The following TANGO6 variants were observed in gnomAD, a reference collection of about 807,000 sequenced individuals.
The protein encoded by TANGO6 is transport and golgi organization 6 homolog, also known as transport and Golgi organization protein 6 homolog.
In TANGO6, 90 loss-of-function variants were observed where a neutral mutation model predicts 114.2. That is an observed-to-expected ratio of 0.79 (90% CI 0.66 to 0.94). The LOEUF is 0.94. Among genes scored for constraint, TANGO6 ranks in the 40% least tolerant of loss-of-function variants. TANGO6 has a pLI of 0.00. For synonymous variants in TANGO6, 477 were observed against 509.8 expected, an observed-to-expected ratio of 0.94 and a Z score of 0.87; for missense variants, 1,274 against 1,315.3, an observed-to-expected ratio of 0.97 and a Z score of 0.49.
At chr16:68,975,505 G>T (rs568571317) in intron 15 of TANGO6, among the ~76,000 whole-genome samples, 1 of 151,786 alleles carries the variant, frequency 6.6e-6, no homozygotes, top group Admixed American at 6.6e-5. Context: ...ATAAGCATGA[G>T]CCATTCTGCA....
chr16:68,938,653 T>C (rs1455760975), intron 14 of TANGO6, among the ~76,000 whole-genome samples: 1 of 152,110 alleles, frequency 6.6e-6, no homozygotes, highest in Non-Finnish European at 1.5e-5. Flanking sequence ...GTTAGCTTAA[T>C]TGTCCCTCAG....
At chr16:69,075,061 C>T (rs1445222596) in intron 17 of TANGO6, among the ~76,000 whole-genome samples, 3 of 151,730 alleles carry the variant, frequency 2.0e-5, no homozygotes, top group Admixed American at 1.3e-4. Context: ...AGGCTGGTCT[C>T]GAACTCCTGA....
intron 3 of TANGO6, among the ~76,000 whole-genome samples, chr16:68,866,791 C>G (rs1185371741): frequency 6.6e-6 from 1 of 151,888 alleles, no homozygotes; most frequent in Non-Finnish European, 1.5e-5. Flanking sequence ...ACAAAAAGTA[C>G]CCAGGCATAG....
intron 17 of TANGO6, among the ~76,000 whole-genome samples, chr16:69,049,074 C>T (rs1959905777): frequency 6.6e-6 from 1 of 152,164 alleles, no homozygotes; most frequent in African/African-American, 2.4e-5. Context: ...GTCACTGTTT[C>T]TTAATTTGAG....
intron 15 of TANGO6, among the ~76,000 whole-genome samples, chr16:68,989,943 T>A (rs1963933005): frequency 6.6e-6 from 1 of 152,214 alleles, no homozygotes; most frequent in Non-Finnish European, 1.5e-5. Context: ...CACCTGAATC[T>A]TTATCTTATT....
intron 11 of TANGO6, among the ~76,000 whole-genome samples, chr16:68,913,264 T>A (rs1962951068): frequency 6.6e-6 from 1 of 151,848 alleles, no homozygotes; most frequent in African/African-American, 2.4e-5. Flanking sequence ...TTGTTTTTTT[T>A]GTAGAGATGG....
intron 14 of TANGO6, among the ~76,000 whole-genome samples, chr16:68,931,411 C>T (rs969558325): frequency 1.3e-5 from 2 of 152,094 alleles, no homozygotes; most frequent in Admixed American, 6.6e-5. Flanking sequence ...GGAATATACC[C>T]GATAAATGAA....
intron 7 of TANGO6, among the ~76,000 whole-genome samples, chr16:68,899,505 C>CTT (rs753964803): frequency 7.0e-5 from 10 of 142,794 alleles, no homozygotes; most frequent in Non-Finnish European, 9.2e-5. Flanking sequence ...TCCTCACACA[C>CTT]TTTTTTTTTT....
intron 15 of TANGO6, among the ~76,000 whole-genome samples, chr16:68,975,410 T>TG (rs1380082614): frequency 1.3e-5 from 2 of 151,902 alleles, no homozygotes; most frequent in Admixed American, 6.6e-5. Context: ...ATGGTAGAGT[T>TG]GGGGTCTCAC....
At chr16:69,060,988 CT>C (rs1228510216) in intron 17 of TANGO6, among the ~76,000 whole-genome samples, 1 of 148,186 alleles carries the variant, frequency 6.7e-6, no homozygotes, top group Non-Finnish European at 1.5e-5. Context: ...GAGACTCCGT[CT>C]AAAAAAAAAA....
chr16:69,073,370 T>G (rs1468336854), intron 17 of TANGO6, among the ~76,000 whole-genome samples: 1 of 152,224 alleles, frequency 6.6e-6, no homozygotes, highest in Admixed American at 6.5e-5. Flanking sequence ...CTTCCTTTGC[T>G]TCCAGAGAAT....
chr16:69,022,698 T>A, intron 15 of TANGO6, 130 bp from the exon 16 acceptor site: 1 of 1,019,738 alleles, frequency 9.8e-7, no homozygotes, highest in Non-Finnish European at 1.4e-6. Context: ...AGCAAGACCC[T>A]GTCTCAAAAA....
At chr16:68,905,827 C>T (rs557673799) in intron 9 of TANGO6, among the ~76,000 whole-genome samples, 17 of 151,632 alleles carry the variant, frequency 1.1e-4, no homozygotes, top group Non-Finnish European at 1.8e-4. Context: ...GAGCCACGAT[C>T]GCACCACTGC....
At chr16:69,009,433 A>G (rs983309441) in intron 15 of TANGO6, among the ~76,000 whole-genome samples, 2 of 152,102 alleles carry the variant, frequency 1.3e-5, no homozygotes, top group Non-Finnish European at 2.9e-5. Context: ...ACCTATTATT[A>G]GGCCGGTATA....
chr16:68,950,364 G>A (rs923862835), intron 14 of TANGO6, among the ~76,000 whole-genome samples: 1 of 152,150 alleles, frequency 6.6e-6, no homozygotes, highest in African/African-American at 2.4e-5. Context: ...TCAGGAGTTT[G>A]AAACCAGCCT....
Position 68,875,164 on chromosome 16 carries a change from T to G in TANGO6, c.1005T>G (p.Ala335=). ...GILEGAGAGA[A]GGSDAEVTAA... Reference sequence around the variant, plus strand: ...TCTCCATTGTGCCAGCGGGAGCAGCTGGTGGAAGTGATGCTGAGGTGACGG... The same window carrying G: ...TCTCCATTGTGCCAGCGGGAGCAGCGGGTGGAAGTGATGCTGAGGTGACGG... Residue 335 remains alanine (A), a synonymous_variant, in exon 5 of 18, where the codon GCT becomes GCG. Coordinates refer to ENST00000261778, the MANE Select transcript of TANGO6 (RefSeq NM_024562.2). 6.2e-7 allele frequency: 1 copy of G among 1,610,994 alleles called. No homozygotes were observed. Among genetic ancestry groups the G allele is most frequent in the Non-Finnish European group, 8.5e-7 (1 of 1,177,774 alleles).
chr16:68,905,338 C>A (rs556117376), intron 9 of TANGO6, among the ~76,000 whole-genome samples: 4 of 151,980 alleles, frequency 2.6e-5, no homozygotes, highest in Admixed American at 1.3e-4. Context: ...GAGTTTGAGA[C>A]CAGCCTGGCC....
At chr16:68,954,648 C>T (rs1963508014) in intron 14 of TANGO6, among the ~76,000 whole-genome samples, 1 of 152,214 alleles carries the variant, frequency 6.6e-6, no homozygotes, top group Admixed American at 6.5e-5. Context: ...AATTCAGTCT[C>T]TCCTTAAGCC....
chr16:68,874,320 C>T (rs924543755), intron 4 of TANGO6, among the ~76,000 whole-genome samples: 24 of 152,184 alleles, frequency 1.6e-4, no homozygotes, highest in African/African-American at 5.8e-4. Context: ...CCTGAAAACT[C>T]TCTCCAGTCA....
Sources: gnomAD v4.1 joint callset for allele counts (sites outside exome capture counted in the v4.1 genomes callset) on GRCh38, gnomAD v4.1.1 for gene constraint, MANE v1.5 for transcripts, NCBI Gene and HGNC (gene_info 2026-07-23, HGNC 2026-07-21) for gene names.